CDH19: variants seen among roughly 807,000 people sequenced by gnomAD.
CDH19 encodes cadherin-19.
In CDH19, 67 loss-of-function variants were observed where a neutral mutation model predicts 64.2. The observed-to-expected ratio is 1.04, with a 90% CI of 0.86 to 1.28. CDH19 has a LOEUF of 1.28. Ranked by LOEUF, CDH19 falls within the 50% of genes most tolerant of loss-of-function variation. The pLI, the probability that CDH19 is intolerant of heterozygous loss-of-function variation, is 0.00. For missense variants in CDH19, 1,030 were observed against 929.0 expected (o/e 1.11, Z -1.41); for synonymous variants, 346 against 319.3 (o/e 1.08, Z -0.89).
At chr18:66,527,351 T>C (rs1266140804) in intron 9 of CDH19, among the ~76,000 whole-genome samples, 1 of 152,078 alleles carries the variant, frequency 6.6e-6, no homozygotes, top group Non-Finnish European at 1.5e-5. Flanking sequence ...TGAATACTTT[T>C]CATATTATAA....
chr18:66,566,791 T>A (rs1196297828), intron 3 of CDH19, among the ~76,000 whole-genome samples: 1 of 151,948 alleles, frequency 6.6e-6, no homozygotes, highest in African/African-American at 2.4e-5. Context: ...GCCAGCCGAC[T>A]GCTTTTTGCT....
At chr18:66,542,289 C>G (rs925336006) in intron 7 of CDH19, among the ~76,000 whole-genome samples, 4 of 152,094 alleles carry the variant, frequency 2.6e-5, no homozygotes, top group African/African-American at 9.7e-5. Context: ...GGGAACATTT[C>G]TTGGTATCAA....
intron 11 of CDH19, 74 bp downstream of exon 11, chr18:66,508,921 T>C: frequency 1.4e-6 from 2 of 1,429,982 alleles, no homozygotes; most frequent in Non-Finnish European, 1.9e-6. Flanking sequence ...TAAATGAGTA[T>C]ATGTTCAGTT....
chr18:66,571,860 G>C, intron 2 of CDH19, 150 bp downstream of exon 2: 2 of 545,762 alleles, frequency 3.7e-6, no homozygotes, highest in Non-Finnish European at 6.3e-6. Context: ...TTAGGTGCTT[G>C]CAAATCTGAA....
At chr18:66,548,256 TA>T (rs1211479237) in intron 5 of CDH19, among the ~76,000 whole-genome samples, 1,060 of 90,024 alleles carry the variant, frequency 0.012, 8 homozygotes, top group African/African-American at 0.047. Context: ...TATATATATA[TA>T]TATATTTTTT....
Position 66,572,005 on chromosome 18 carries a change from A to G in CDH19, c.195+5T>C. On this transcript the variant is annotated splice_donor_5th_base_variant and intron_variant, in intron 2 of 11. Transcript: ENST00000262150. ...TTTACTGTAACATTTTAAATAAATA[A>G]GTACCTGGCCGATGTGATGACTAGT... 6.3e-7 allele frequency: 1 copy of G among 1,592,450 alleles called. No individual in the cohort carries two copies.
Position 66,544,098 on chromosome 18 carries a change from C to G in CDH19, c.1087G>C (p.Asp363His), listed in dbSNP as rs1353160234. The change falls in exon 7 of 12, where the codon GAT (aspartate) becomes CAT (histidine). Residue 363 changes from aspartate (D) to histidine (H), a missense_variant. By Grantham distance (81) the Asp-to-His change is moderately conservative. Coordinates refer to ENST00000262150, the MANE Select transcript of CDH19 (RefSeq NM_021153.4). ...STTFIKIQVE[D>H]VDEPPLFLLP... Reference sequence around the variant, plus strand: ...AGGAAAAGAGGAGGCTCATCAACATCTTCCACCTGGATCTTAATGAAAGTG... The same window carrying G: ...AGGAAAAGAGGAGGCTCATCAACATGTTCCACCTGGATCTTAATGAAAGTG... The G allele has an allele frequency of 6.2e-7, 1 of 1,613,932 alleles. No individual in the cohort carries two copies. The highest frequency in any genetic ancestry group is 8.5e-7 in the Non-Finnish European group (1 of 1,179,976).
intron 9 of CDH19, among the ~76,000 whole-genome samples, chr18:66,519,951 C>T (rs545441897): frequency 1.3e-4 from 19 of 151,974 alleles, no homozygotes; most frequent in African/African-American, 3.1e-4. Context: ...TTTGGGAGGC[C>T]GAGGCAGGCG....
intron 1 of CDH19, among the ~76,000 whole-genome samples, chr18:66,597,856 C>T (rs1988942257): frequency 6.6e-6 from 1 of 151,882 alleles, no homozygotes; most frequent in South Asian, 2.1e-4. Flanking sequence ...AACACCTGGA[C>T]ACAAGAAGGG....
chr18:66,588,634 A>ATATATATATATATATATATATC, intron 1 of CDH19, among the ~76,000 whole-genome samples: 1 of 143,126 alleles, frequency 7.0e-6, no homozygotes, highest in South Asian at 2.2e-4. Flanking sequence ...ATCTATATAT[A>ATATATATATATATATATATATC]TATAGATACA....
chr18:66,585,145 A>C (rs1988539247), intron 1 of CDH19, among the ~76,000 whole-genome samples: 1 of 152,080 alleles, frequency 6.6e-6, no homozygotes, highest in African/African-American at 2.4e-5. Context: ...ATAATTGTCA[A>C]GTGAAATAAA....
chr18:66,504,697 A>G lies in CDH19; in HGVS notation c.*115T>C. Reference sequence around the variant, plus strand: ...GAGTATTTACTCCAGGGAAATCAGAAAACTCCATAGACTAGGGCTTTCCCC... The same window carrying G: ...GAGTATTTACTCCAGGGAAATCAGAGAACTCCATAGACTAGGGCTTTCCCC... On this transcript the variant is annotated 3_prime_UTR_variant, in exon 12 of 12. Coordinates refer to ENST00000262150, the MANE Select transcript of CDH19 (RefSeq NM_021153.4). 1 of 1,079,898 alleles carries G rather than the reference A, an allele frequency of 9.3e-7. No individual in the cohort carries two copies. The allele number at this position is 1,079,898 out of a possible 1,614,324, so 66.9% of individuals were successfully genotyped here. A position where few individuals can be genotyped will look rare whatever the true frequency, so the allele number is the denominator to read the frequency against.
chr18:66,523,825 TCTC>T (rs1412834602), intron 9 of CDH19, among the ~76,000 whole-genome samples: 10 of 146,218 alleles, frequency 6.8e-5, no homozygotes, highest in Non-Finnish European at 1.3e-4. Context: ...AGAGAAGTCT[TCTC>T]CTGCAATGTT....
intron 2 of CDH19, among the ~76,000 whole-genome samples, chr18:66,569,796 T>A (rs1988042766): frequency 6.6e-6 from 1 of 151,714 alleles, no homozygotes; most frequent in Non-Finnish European, 1.5e-5. Context: ...AATGCTCTTA[T>A]TCACAGTAAG....
intron 9 of CDH19, among the ~76,000 whole-genome samples, chr18:66,512,769 A>G (rs888647552): frequency 6.6e-6 from 1 of 151,594 alleles, no homozygotes; most frequent in African/African-American, 2.4e-5. Flanking sequence ...CCTTCATTTT[A>G]GAATATTACA....
chr18:66,541,571 AT>A (rs909800905), intron 7 of CDH19, among the ~76,000 whole-genome samples: 1 of 152,082 alleles, frequency 6.6e-6, no homozygotes, highest in African/African-American at 2.4e-5. Flanking sequence ...TTTATGATGT[AT>A]TTTGAATGTT....
intron 1 of CDH19, among the ~76,000 whole-genome samples, chr18:66,601,023 G>C (rs1003579113): frequency 2.0e-5 from 3 of 151,788 alleles, no homozygotes; most frequent in African/African-American, 7.2e-5. Flanking sequence ...GCAATTTCAA[G>C]CACTGTCAAG....
intron 10 of CDH19, among the ~76,000 whole-genome samples, chr18:66,510,979 T>C (rs1157523104): frequency 6.6e-6 from 1 of 151,636 alleles, no homozygotes; most frequent in Non-Finnish European, 1.5e-5. Flanking sequence ...CTGAAGCTCA[T>C]GAAAAAGAAG....
At chr18:66,602,859 A>G (rs565387524) in intron 1 of CDH19, among the ~76,000 whole-genome samples, 10 of 151,956 alleles carry the variant, frequency 6.6e-5, no homozygotes, top group African/African-American at 2.2e-4. Flanking sequence ...AAATGTTCAC[A>G]TTACATTGAA....
Sources: gnomAD v4.1 joint callset for allele counts (sites outside exome capture counted in the v4.1 genomes callset) on GRCh38, gnomAD v4.1.1 for gene constraint, MANE v1.5 for transcripts, NCBI Gene and HGNC (gene_info 2026-07-23, HGNC 2026-07-21) for gene names.